Variants in CCDC171 observed in about 807,000 individuals in gnomAD.
The protein encoded by CCDC171 is coiled-coil domain-containing protein 171.
Under a neutral mutation model 168.2 loss-of-function variants are expected in CCDC171, and 177 were observed. That is an observed-to-expected ratio of 1.05 (90% CI 0.93 to 1.19). CCDC171 has a LOEUF of 1.19. CCDC171 is among the 50% of genes most tolerant of loss of function. The pLI is 0.00. For missense variants in CCDC171, 1,991 were observed against 1,539.0 expected (o/e 1.29, Z -4.91); for synonymous variants, 687 against 540.8 (o/e 1.27, Z -3.75).
At chr9:15,896,052 G>A (rs2131567995) in intron 24 of CCDC171, among the ~76,000 whole-genome samples, 1 of 151,932 alleles carries the variant, frequency 6.6e-6, no homozygotes, top group Admixed American at 6.6e-5. Flanking sequence ...CCATATTTTT[G>A]TAGGAAACCA....
At chr9:15,795,463 G>A (rs1249935145) in intron 21 of CCDC171, among the ~76,000 whole-genome samples, 1 of 151,928 alleles carries the variant, frequency 6.6e-6, no homozygotes, top group Non-Finnish European at 1.5e-5. Flanking sequence ...TGAATTTTGG[G>A]GTATATAGCC....
chr9:15,773,666 T>C (rs1010898055), intron 18 of CCDC171, among the ~76,000 whole-genome samples: 2 of 151,960 alleles, frequency 1.3e-5, no homozygotes, highest in Non-Finnish European at 2.9e-5. Flanking sequence ...ATTTCTGTAT[T>C]ATTATATAAA....
At chr9:15,670,114 G>T (rs949947232) in intron 9 of CCDC171, among the ~76,000 whole-genome samples, 1 of 152,016 alleles carries the variant, frequency 6.6e-6, no homozygotes, top group Non-Finnish European at 1.5e-5. Flanking sequence ...TCCTTAACCT[G>T]CCCTACTCTT....
intron 18 of CCDC171, among the ~76,000 whole-genome samples, chr9:15,749,407 G>C (rs1482761999): frequency 6.6e-6 from 1 of 151,586 alleles, no homozygotes; most frequent in Non-Finnish European, 1.5e-5. Context: ...ACATTAGACA[G>C]ATCAACGAGA....
chr9:15,651,552 C>T (rs980345062), intron 7 of CCDC171, among the ~76,000 whole-genome samples: 2 of 152,192 alleles, frequency 1.3e-5, no homozygotes, highest in African/African-American at 4.8e-5. Flanking sequence ...CCACCATGCC[C>T]AGCCGAGATT....
chr9:15,737,279 G>T (rs1451997643), intron 16 of CCDC171, among the ~76,000 whole-genome samples: 1 of 152,074 alleles, frequency 6.6e-6, no homozygotes, highest in African/African-American at 2.4e-5. Flanking sequence ...CTCAAAAAGT[G>T]TAAAATATAA....
At chr9:15,951,939 A>C (rs1021395114) in intron 25 of CCDC171, among the ~76,000 whole-genome samples, 20 of 152,138 alleles carry the variant, frequency 1.3e-4, no homozygotes, top group African/African-American at 4.8e-4. Flanking sequence ...AATCTTTGCC[A>C]AATCCAGGGT....
intron 7 of CCDC171, among the ~76,000 whole-genome samples, chr9:15,643,336 A>C (rs1395332263): frequency 6.6e-6 from 1 of 152,118 alleles, no homozygotes; most frequent in African/African-American, 2.4e-5. Flanking sequence ...AAAAATTAGC[A>C]TTGGGCCCAT....
chr9:16,085,248 G>A, the CCDC171 span, among the ~76,000 whole-genome samples: 16 of 152,314 alleles, frequency 1.1e-4, no homozygotes, highest in African/African-American at 3.1e-4. Flanking sequence ...GCTTGGTCAG[G>A]GAAACAGAAG....
intron 20 of CCDC171, among the ~76,000 whole-genome samples, chr9:15,783,597 C>T (rs762583465): frequency 6.6e-6 from 1 of 152,082 alleles, no homozygotes; most frequent in Non-Finnish European, 1.5e-5. Flanking sequence ...TTTGTGAAAC[C>T]TTCCTCTTTT....
chr9:15,820,527 A>G (rs2059727988), intron 21 of CCDC171, among the ~76,000 whole-genome samples: 1 of 117,844 alleles, frequency 8.5e-6, no homozygotes. Flanking sequence ...TCCCACAGAA[A>G]TACAAACTAC....
At chr9:15,653,913 G>A (rs2047724822) in intron 7 of CCDC171, among the ~76,000 whole-genome samples, 1 of 152,096 alleles carries the variant, frequency 6.6e-6, no homozygotes, top group East Asian at 1.9e-4. Context: ...CCCAAAGATT[G>A]GGGTTTAAAA....
chr9:15,884,157 A>G (rs1036026964), intron 24 of CCDC171, among the ~76,000 whole-genome samples: 2 of 152,134 alleles, frequency 1.3e-5, no homozygotes, highest in African/African-American at 4.8e-5. Context: ...GTTCTATCCT[A>G]GAATCACTAT....
At chr9:15,694,341 T>C (rs1483953086) in intron 10 of CCDC171, among the ~76,000 whole-genome samples, 1 of 152,208 alleles carries the variant, frequency 6.6e-6, no homozygotes, top group Non-Finnish European at 1.5e-5. Flanking sequence ...CCCATATTTT[T>C]CTACTTTATT....
intron 9 of CCDC171, among the ~76,000 whole-genome samples, chr9:15,668,091 C>A (rs1342609583): frequency 6.6e-6 from 1 of 152,132 alleles, no homozygotes; most frequent in Non-Finnish European, 1.5e-5. Context: ...TGATTAGGAC[C>A]TACAAGTAAA....
chr9:15,801,201 G>A (rs2058804947), intron 21 of CCDC171, among the ~76,000 whole-genome samples: 1 of 151,880 alleles, frequency 6.6e-6, no homozygotes, highest in Non-Finnish European at 1.5e-5. Flanking sequence ...ATTCCTTTCG[G>A]TAGTATGGAC....
chr9:15,797,719 T>C (rs1010247691), intron 21 of CCDC171, among the ~76,000 whole-genome samples: 1 of 152,210 alleles, frequency 6.6e-6, no homozygotes, highest in Non-Finnish European at 1.5e-5. Flanking sequence ...TTTATTGTTG[T>C]AGTTGATCCT....
rs188244557 is a variant in CCDC171 at position 15,821,156 on chromosome 9, C to T, written c.3268-25546C>T. ...CAACAACGCTTCATGGTAAAAACTC[C>T]CAATAAATTAGGTATTGATGGGATG... On this transcript the variant is annotated intron_variant, in intron 21 of 25. Coordinates refer to ENST00000380701, the MANE Select transcript of CCDC171 (RefSeq NM_173550.4). 7.5e-4 allele frequency among the ~76,000 whole-genome samples: 88 copies of T among 116,672 alleles called. 28 individuals carry two copies. Among genetic ancestry groups the T allele is most frequent in the African/African-American group, 2.6e-3 (81 of 31,132 alleles). The allele number at this position is 116,672 out of a possible 152,430, so 76.5% of individuals were successfully genotyped here.
intron 5 of CCDC171, among the ~76,000 whole-genome samples, chr9:15,593,541 G>T (rs1211895625): frequency 1.3e-5 from 2 of 151,570 alleles, no homozygotes; most frequent in East Asian, 3.9e-4. Context: ...TCTTTTCTTT[G>T]CCCCTTTTTC....
Sources: allele counts gnomAD v4.1 joint callset (sites outside exome capture counted in the v4.1 genomes callset), GRCh38; gene constraint gnomAD v4.1.1; transcripts MANE v1.5; gene names NCBI Gene and HGNC (gene_info 2026-07-23, HGNC 2026-07-21).